Variants in CYP2C18 observed in about 807,000 individuals in gnomAD.
CYP2C18 encodes the protein cytochrome P450 2C18.
Under a neutral mutation model 41.3 loss-of-function variants are expected in CYP2C18, and 38 were observed. The ratio of observed to expected loss-of-function variants is 0.92; its 90% confidence interval spans 0.71 to 1.21. The LOEUF is 1.21. CYP2C18 is among the 50% of genes most tolerant of loss of function. The pLI, the probability that CYP2C18 is intolerant of heterozygous loss-of-function variation, is 0.00. For synonymous variants in CYP2C18, 236 were observed against 210.0 expected (o/e 1.12, Z -1.07); for missense variants, 635 against 591.4 (o/e 1.07, Z -0.77).
At chr10:94,686,847 A>G (rs918782609) in intron 1 of CYP2C18, among the ~76,000 whole-genome samples, 1 of 152,190 alleles carries the variant, frequency 6.6e-6, no homozygotes, top group Non-Finnish European at 1.5e-5. Flanking sequence ...GTCATTTGCT[A>G]TATTTTTTTG....
At chr10:94,718,680 CTT>C (rs60866714) in intron 5 of CYP2C18, among the ~76,000 whole-genome samples, 3,278 of 152,142 alleles carry the variant, frequency 0.022, 115 homozygotes, top group African/African-American at 0.073. Context: ...GAAACTTGGA[CTT>C]TTGAGTTTCA....
chr10:94,728,003 C>T (rs1847772080), intron 7 of CYP2C18, among the ~76,000 whole-genome samples: 1 of 152,226 alleles, frequency 6.6e-6, no homozygotes, highest in East Asian at 1.9e-4. Context: ...TATCTTATAA[C>T]TACATTTTCC....
intron 6 of CYP2C18, 69 bp downstream of exon 6, chr10:94,720,606 T>G: frequency 7.0e-7 from 1 of 1,427,778 alleles, no homozygotes; most frequent in Non-Finnish European, 9.7e-7. Flanking sequence ...GCTATTGTCC[T>G]CAATCTTGTT....
At chr10:94,704,519 A>G (rs1847303358) in intron 4 of CYP2C18, among the ~76,000 whole-genome samples, 1 of 151,978 alleles carries the variant, frequency 6.6e-6, no homozygotes, top group Non-Finnish European at 1.5e-5. Flanking sequence ...TAAATAGCAG[A>G]AGAAAGATGG....
rs199738454 is a variant in CYP2C18, at chr10:94,683,988, G to C, written c.168+1G>C. On this transcript the variant is annotated splice_donor_variant, in intron 1 of 8. Transcript: ENST00000285979. LOFTEE classifies it high-confidence loss of function. ...GGACATGAGCAAATCCTTAACCAAT[G>C]TAAGTATGCTTTATGTTCCTCCAGT... is the stretch of plus-strand genomic sequence containing the variant. The C allele has an allele frequency of 8.0e-5, 128 of 1,596,534 alleles. No individual in the cohort carries two copies. Among genetic ancestry groups the C allele is most frequent in the Non-Finnish European group, 1.1e-4 (127 of 1,170,384 alleles).
intron 7 of CYP2C18, among the ~76,000 whole-genome samples, chr10:94,726,643 A>G (rs914743588): frequency 2.0e-5 from 3 of 152,130 alleles, no homozygotes; most frequent in Admixed American, 6.6e-5. Context: ...TAGTGCCACA[A>G]TAAACATACG....
At chr10:94,714,290 C>G (rs917505785) in intron 5 of CYP2C18, among the ~76,000 whole-genome samples, 2 of 152,128 alleles carry the variant, frequency 1.3e-5, no homozygotes, top group African/African-American at 4.8e-5. Flanking sequence ...AGGTTTTCTT[C>G]TAGGGTTTTT....
chr10:94,725,356 G>T (rs1273257821), intron 7 of CYP2C18, among the ~76,000 whole-genome samples: 8 of 151,846 alleles, frequency 5.3e-5, no homozygotes, highest in Non-Finnish European at 1.2e-4. Context: ...ACTTGGCATT[G>T]CTAATTTTTT....
chr10:94,716,564 G>GT (rs988308107), intron 5 of CYP2C18, among the ~76,000 whole-genome samples: 10 of 152,172 alleles, frequency 6.6e-5, no homozygotes, highest in South Asian at 2.1e-4. Flanking sequence ...TATAATTTCT[G>GT]TTTTTTTACA....
intron 5 of CYP2C18, among the ~76,000 whole-genome samples, chr10:94,713,853 C>T (rs1472712591): frequency 6.6e-6 from 1 of 152,144 alleles, no homozygotes; most frequent in Non-Finnish European, 1.5e-5. Context: ...TGTTTCCTGA[C>T]TTTTTAATGA....
At chr10:94,720,134 A>G (rs1190870285) in intron 5 of CYP2C18, among the ~76,000 whole-genome samples, 1 of 152,166 alleles carries the variant, frequency 6.6e-6, no homozygotes, top group Non-Finnish European at 1.5e-5. Context: ...TATGTCATAG[A>G]CAAGAAATAT....
At chr10:94,719,899 C>T (rs1271709924) in intron 5 of CYP2C18, among the ~76,000 whole-genome samples, 1 of 150,900 alleles carries the variant, frequency 6.6e-6, no homozygotes, top group African/African-American at 2.4e-5. Context: ...TTTTTAGAGA[C>T]AGGGGGTCTC....
intron 5 of CYP2C18, among the ~76,000 whole-genome samples, chr10:94,717,574 C>T (rs1325672997): frequency 6.6e-6 from 1 of 152,030 alleles, no homozygotes; most frequent in Non-Finnish European, 1.5e-5. Flanking sequence ...ATCTTGTCTT[C>T]TAGTAGTTTA....
chr10:94,697,064 T>C (rs1847131554), intron 4 of CYP2C18, among the ~76,000 whole-genome samples: 2 of 152,194 alleles, frequency 1.3e-5, no homozygotes, highest in African/African-American at 4.8e-5. Flanking sequence ...CTGCACGATA[T>C]TATCCAGGAG....
At chr10:94,722,331 T>C (rs1372586474) in intron 6 of CYP2C18, among the ~76,000 whole-genome samples, 2 of 152,188 alleles carry the variant, frequency 1.3e-5, no homozygotes, top group Non-Finnish European at 2.9e-5. Context: ...AACTTTTATA[T>C]TTATCTATGA....
chr10:94,704,602 G>A lies in CYP2C18; in HGVS notation c.643-2182G>A, dbSNP rs77465436. Among the ~76,000 whole-genome samples the A allele has an allele frequency of 2.6e-3, 398 of 152,200 alleles. 13 individuals are homozygous for A. The East Asian group carries it at 0.061, about 23-fold the overall frequency. ...GGAAGGAAGGAAGGTCTTTCAGATT[G>A]GCTGGAGCACTCCTTGTCATAGCCT... On this transcript the variant is annotated intron_variant, in intron 4 of 8. Coordinates refer to ENST00000285979, the MANE Select transcript of CYP2C18 (RefSeq NM_000772.3).
rs532165499 is a variant in CYP2C18 at position 94,718,864 on chromosome 10, G to A, written c.820-1532G>A. Among the ~76,000 whole-genome samples, 3 of 152,268 alleles carry A rather than the reference G, an allele frequency of 2.0e-5. No individual in the cohort carries two copies. The East Asian group carries it at 5.8e-4, about 29-fold the overall frequency. ...AGCTGTGGGGAACCTTAGAGTTAGG[G>A]TGTTAATGTGTGGTCTAAATCCTCC... On this transcript the variant is annotated intron_variant, in intron 5 of 8. Transcript: ENST00000285979.
At chr10:94,707,636 C>T (rs1476494685) in intron 5 of CYP2C18, among the ~76,000 whole-genome samples, 3 of 152,064 alleles carry the variant, frequency 2.0e-5, no homozygotes, top group African/African-American at 7.2e-5. Context: ...AGGATATGTA[C>T]AATGAGAATG....
At chr10:94,725,333 A>G (rs2134206644) in intron 7 of CYP2C18, among the ~76,000 whole-genome samples, 1 of 152,016 alleles carries the variant, frequency 6.6e-6, no homozygotes, top group African/African-American at 2.4e-5. Context: ...ATGACCTTAC[A>G]TCAAGCAAAT....
Sources: gnomAD v4.1 joint callset for allele counts (sites outside exome capture counted in the v4.1 genomes callset) on GRCh38, gnomAD v4.1.1 for gene constraint, MANE v1.5 for transcripts, NCBI Gene and HGNC (gene_info 2026-07-23, HGNC 2026-07-21) for gene names.